The following R3HDM2 variants were observed in gnomAD, a reference collection of about 807,000 sequenced individuals.
R3HDM2 encodes the protein R3H domain-containing protein 2.
A neutral mutation model predicts 124.5 loss-of-function variants in R3HDM2; 38 were observed. The observed-to-expected ratio is 0.31, with a 90% confidence interval of 0.24 to 0.40. R3HDM2 has a LOEUF of 0.40. R3HDM2 is among the 10% of genes least tolerant of loss of function. The probability of loss-of-function intolerance (pLI) is 1.00; values close to 1 mark genes in which losing one functional copy is unlikely to be tolerated. For synonymous variants in R3HDM2, 391 were observed against 448.0 expected (o/e 0.87, Z 1.61); for missense variants, 869 against 1,236.9 (o/e 0.70, Z 4.46).
intron 1 of R3HDM2, among the ~76,000 whole-genome samples, chr12:57,409,590 C>T (rs1026367087): frequency 2.0e-5 from 3 of 151,346 alleles, no homozygotes; most frequent in African/African-American, 7.3e-5. Flanking sequence ...GTCACAAAAC[C>T]CAGGAAAAAA....
At chr12:57,427,728 A>G (rs563541631) in intron 1 of R3HDM2, among the ~76,000 whole-genome samples, 1 of 152,104 alleles carries the variant, frequency 6.6e-6, no homozygotes, top group South Asian at 2.1e-4. Context: ...AATAAAGCAG[A>G]AAAGGGGGAT....
At chr12:57,365,494 G>A (rs1168822493) in intron 2 of R3HDM2, among the ~76,000 whole-genome samples, 1 of 152,058 alleles carries the variant, frequency 6.6e-6, no homozygotes, top group Non-Finnish European at 1.5e-5. Flanking sequence ...TTTATCACTA[G>A]TTTTAAGCAA....
intron 14 of R3HDM2, chr12:57,272,626 G>A (rs1488100180): frequency 8.2e-4 from 238 of 290,708 alleles, no homozygotes; most frequent in Non-Finnish European, 1.1e-3. Context: ...GTGGGGTGGG[G>A]GGGGGGTGCG....
intron 2 of R3HDM2, among the ~76,000 whole-genome samples, chr12:57,378,258 A>G (rs2064354790): frequency 6.6e-6 from 1 of 152,204 alleles, no homozygotes; most frequent in South Asian, 2.1e-4. Flanking sequence ...ATGGGCAAAA[A>G]GGGGACATGA....
chr12:57,283,082 C>T (rs2046551739), intron 13 of R3HDM2, among the ~76,000 whole-genome samples: 1 of 152,216 alleles, frequency 6.6e-6, no homozygotes, highest in Non-Finnish European at 1.5e-5. Context: ...GCCATAGCAG[C>T]ATCCCTCTAA....
At chr12:57,403,487 A>G (rs916371393) in intron 1 of R3HDM2, among the ~76,000 whole-genome samples, 7 of 149,990 alleles carry the variant, frequency 4.7e-5, no homozygotes, top group Non-Finnish European at 8.9e-5. Flanking sequence ...AGCGAAACTC[A>G]GTCTCAAAAA....
chr12:57,269,144 G>T (rs1258020574), intron 16 of R3HDM2, 62 bp from the exon 17 acceptor site: 1 of 1,586,490 alleles, frequency 6.3e-7, no homozygotes, highest in Non-Finnish European at 8.6e-7. Context: ...CACTCTATCT[G>T]TAATTTCCTT....
At chr12:57,358,015 G>T in intron 2 of R3HDM2, among the ~76,000 whole-genome samples, 1 of 145,066 alleles carries the variant, frequency 6.9e-6, no homozygotes. Flanking sequence ...GTTTCTCTCT[G>T]TCACCCAGGC....
chr12:57,327,541 G>C (rs1040653449), intron 2 of R3HDM2, among the ~76,000 whole-genome samples: 6 of 151,946 alleles, frequency 3.9e-5, no homozygotes, highest in African/African-American at 1.5e-4. Context: ...GATGGATCTA[G>C]GCAAAGTAAA....
intron 2 of R3HDM2, among the ~76,000 whole-genome samples, chr12:57,317,574 C>A (rs534016895): frequency 6.7e-6 from 1 of 149,186 alleles, no homozygotes; most frequent in East Asian, 2.0e-4. Context: ...GTTATAAATC[C>A]TCTTACCATT....
chr12:57,401,639 A>G (rs2068061852), intron 1 of R3HDM2, among the ~76,000 whole-genome samples: 1 of 152,238 alleles, frequency 6.6e-6, no homozygotes, highest in South Asian at 2.1e-4. Flanking sequence ...GAAAATCAGA[A>G]TTTTGAAAAT....
At chr12:57,360,957 CAGG>C (rs1332552756) in intron 2 of R3HDM2, among the ~76,000 whole-genome samples, 2 of 138,688 alleles carry the variant, frequency 1.4e-5, no homozygotes, top group African/African-American at 5.4e-5. Context: ...GAGGCTGAGG[CAGG>C]AGAATGGCTT....
chr12:57,293,293 A>C (rs1374379096), intron 10 of R3HDM2, among the ~76,000 whole-genome samples: 2 of 152,156 alleles, frequency 1.3e-5, no homozygotes, highest in Admixed American at 1.3e-4. Context: ...GGGGAGAGAC[A>C]AATTACAGAA....
chr12:57,329,807 G>C (rs1424403123), intron 2 of R3HDM2, among the ~76,000 whole-genome samples: 1 of 151,940 alleles, frequency 6.6e-6, no homozygotes, highest in African/African-American at 2.4e-5. Flanking sequence ...CATGAACATG[G>C]GATGTGTTTC....
intron 2 of R3HDM2, among the ~76,000 whole-genome samples, chr12:57,346,194 C>T (rs1457635220): frequency 6.9e-6 from 1 of 144,334 alleles, no homozygotes; most frequent in Non-Finnish European, 1.5e-5. Context: ...CAGTGGCTTA[C>T]ACCTATAATC....
chr12:57,259,051 G>A lies in R3HDM2; in HGVS notation c.2140C>T (p.Pro714Ser). 6.2e-7 allele frequency: 1 copy of A among 1,611,200 alleles called. No individual in the cohort carries two copies. The highest frequency in any genetic ancestry group is 1.7e-4 in the Middle Eastern group (1 of 5,752). ...QMPQQYSGVS[P>S]SGPGVVVMQL... The stretch of plus-strand genomic sequence containing the variant: ...ATGACCACTACACCTGGTCCAGAAG[G>A]TGACACTCCTGAAGGGCAGGAAGAA... The change falls in exon 20 of 24, where the codon CCT (proline) becomes TCT (serine). Residue 714 changes from proline (P) to serine (S), a missense_variant. Pro to Ser is a moderately conservative substitution (Grantham distance 74). Transcript: ENST00000402412.
chr12:57,429,492 G>A (rs567584927), intron 1 of R3HDM2, among the ~76,000 whole-genome samples: 2 of 152,272 alleles, frequency 1.3e-5, no homozygotes, highest in African/African-American at 4.8e-5. Context: ...GGAGGCCAAG[G>A]CAGGTGGATC....
At chr12:57,292,734 A>G in intron 10 of R3HDM2, 67 bp from the exon 11 acceptor site, 2 of 988,550 alleles carry the variant, frequency 2.0e-6, no homozygotes, top group Non-Finnish European at 3.0e-6. Context: ...GCACACCAGC[A>G]AGGAAGAGAA....
intron 14 of R3HDM2, among the ~76,000 whole-genome samples, chr12:57,270,695 A>G (rs1381024261): frequency 6.6e-6 from 1 of 151,998 alleles, no homozygotes; most frequent in African/African-American, 2.4e-5. Flanking sequence ...CAGCCTCCCA[A>G]AGTGTTTGGA....
Sources: gnomAD v4.1 joint callset for allele counts (sites outside exome capture counted in the v4.1 genomes callset) on GRCh38, gnomAD v4.1.1 for gene constraint, MANE v1.5 for transcripts, NCBI Gene and HGNC (gene_info 2026-07-23, HGNC 2026-07-21) for gene names.